Variants in SMG6 observed in about 807,000 individuals in gnomAD.
SMG6 encodes telomerase-binding protein EST1A.
A neutral mutation model predicts 142.2 loss-of-function variants in SMG6; 66 were observed. That is an observed-to-expected ratio of 0.46 (90% CI 0.38 to 0.57). The LOEUF (loss-of-function observed/expected upper bound fraction) is 0.57, where lower values mean the gene tolerates loss of function less well. Ranked by LOEUF, SMG6 falls within the 20% of genes least tolerant of loss-of-function variation. The probability of loss-of-function intolerance (pLI) is 0.00; values close to 1 mark genes in which losing one functional copy is unlikely to be tolerated. For synonymous variants in SMG6, 779 were observed against 702.4 expected (o/e 1.11, Z -1.72); for missense variants, 1,793 against 1,832.0 (o/e 0.98, Z 0.39).
intron 13 of SMG6, among the ~76,000 whole-genome samples, chr17:2,109,218 T>C (rs2151489486): frequency 6.6e-6 from 1 of 152,258 alleles, no homozygotes; most frequent in Non-Finnish European, 1.5e-5. Context: ...TAGTATATTC[T>C]CACAGGATTT....
At chr17:2,098,117 G>A (rs1485942527) in intron 13 of SMG6, among the ~76,000 whole-genome samples, 1 of 151,964 alleles carries the variant, frequency 6.6e-6, no homozygotes, top group Admixed American at 6.6e-5. Flanking sequence ...ACTTCCTCAG[G>A]AGCTGGGACT....
rs749056595 is a variant in SMG6, at chr17:2,172,764, T to C, written c.3251A>G (p.Asp1084Gly). The change falls in exon 13 of 19, where the codon GAT (aspartate) becomes GGT (glycine). Residue 1084 changes from aspartate to glycine, a missense_variant. By Grantham distance (94) the Asp-to-Gly change is moderately conservative. This residue lies in a region of SMG6 where 1,597 missense variants were observed against 1,584.6 expected (regional missense o/e 1.01). Coordinates refer to ENST00000263073, the MANE Select transcript of SMG6 (RefSeq NM_017575.5). Reference protein sequence around the residue: ...SEVPLYKDPDDDLTLLILEED... With the variant: ...SEVPLYKDPDGDLTLLILEED... ...TTCCAGGATAAGAAGGGTGAGGTCA[T>C]CATCCGGGTCCTTGTACAGTGGCAC... is the stretch of plus-strand genomic sequence containing the variant. 1 of 1,614,124 alleles carries C rather than the reference T, an allele frequency of 6.2e-7. No homozygotes were observed. Among genetic ancestry groups the C allele is most frequent in the East Asian group, 2.2e-5 (1 of 44,870 alleles).
chr17:2,237,438 A>G, intron 9 of SMG6: 2 of 839,346 alleles, frequency 2.4e-6, no homozygotes, highest in Non-Finnish European at 2.9e-6. Flanking sequence ...CTGAGGTACT[A>G]TCACACTGAC....
chr17:2,277,152 TATTTATTTATTTA>T (rs1567740148), intron 8 of SMG6, among the ~76,000 whole-genome samples: 31 of 78,056 alleles, frequency 4.0e-4, no homozygotes, highest in African/African-American at 1.5e-3. Flanking sequence ...TTTATTTATT[TATTTATTTATTTA>T]TTTTTTATTT....
rs781500052 is a variant in SMG6, at chr17:2,236,515, G to A, written c.2846C>T (p.Ala949Val). 2.5e-6 allele frequency: 4 copies of A among 1,613,106 alleles called. No homozygotes were observed. The highest frequency in any genetic ancestry group is 3.4e-6 in the Non-Finnish European group (4 of 1,179,520). ...ACCTTTCAGCTGGGAGTTGTGTACT[G>A]CAAACATATTGATGGTCATAAGCTG... ...MLQLMTINMF[A>V]VHNSQLKDCF... is the part of the protein sequence containing the mutation. Residue 949 changes from alanine to valine, a missense_variant, in exon 10 of 19, where the codon GCA becomes GTA. Physicochemically the swap from Ala to Val is moderately conservative, Grantham distance 64. Coordinates refer to ENST00000263073, the MANE Select transcript of SMG6 (RefSeq NM_017575.5).
At chr17:2,111,040 A>G (rs1326836754) in intron 13 of SMG6, among the ~76,000 whole-genome samples, 10 of 152,178 alleles carry the variant, frequency 6.6e-5, no homozygotes, top group Non-Finnish European at 1.3e-4. Context: ...ACAAAGTAAG[A>G]TATCTGAGGT....
At position 2,300,120 on chromosome 17, in the gene SMG6, A is replaced by G. The variant is rs761417641; in HGVS notation, c.633T>C (p.Ala211=). 216 of 1,613,652 alleles carry G rather than the reference A, an allele frequency of 1.3e-4. No homozygotes were observed. The highest frequency in any genetic ancestry group is 1.5e-4 in the Non-Finnish European group (181 of 1,179,950). The change falls in exon 2 of 19, where the codon GCT becomes GCC. Residue 211 remains alanine, a synonymous_variant. Transcript: ENST00000263073. ...TCCTCTTTCCTTTTTCTCCTTTTGC[A>G]GCCCCTACTCTCCCACCACCTGGGC... ...EKSPGGGRVG[A]AKGEKGKRMG...
chr17:2,180,873 T>A (rs1165839771), intron 12 of SMG6, among the ~76,000 whole-genome samples: 2 of 152,118 alleles, frequency 1.3e-5, no homozygotes, highest in Admixed American at 1.3e-4. Context: ...TATCTTAGGA[T>A]CAGAGAAATG....
intron 4 of SMG6, among the ~76,000 whole-genome samples, chr17:2,296,189 C>T (rs1021668129): frequency 2.6e-5 from 4 of 152,172 alleles, no homozygotes; most frequent in African/African-American, 9.7e-5. Flanking sequence ...AGTTTATGAC[C>T]TAGTCGCTTC....
At chr17:2,153,127 A>G (rs1368483076) in intron 13 of SMG6, among the ~76,000 whole-genome samples, 3 of 152,230 alleles carry the variant, frequency 2.0e-5, no homozygotes, top group Non-Finnish European at 2.9e-5. Context: ...AGCCCAACGC[A>G]AATTTATAAA....
At chr17:2,105,714 C>A (rs183954426) in intron 13 of SMG6, among the ~76,000 whole-genome samples, 1 of 152,280 alleles carries the variant, frequency 6.6e-6, no homozygotes, top group African/African-American at 2.4e-5. Flanking sequence ...TTTAAAATTT[C>A]TCAGGATACC....
chr17:2,201,640 C>T (rs2072526731), intron 10 of SMG6, among the ~76,000 whole-genome samples: 2 of 149,570 alleles, frequency 1.3e-5, no homozygotes, highest in Admixed American at 1.3e-4. Context: ...GACCACGCCA[C>T]TGCACTACAG....
chr17:2,130,738 C>A (rs376477164), intron 13 of SMG6, among the ~76,000 whole-genome samples: 3 of 148,732 alleles, frequency 2.0e-5, no homozygotes, highest in East Asian at 3.9e-4. Flanking sequence ...ACCTAACAAT[C>A]AAGTGGTTTA....
At chr17:2,100,950 C>G (rs934739968) in intron 13 of SMG6, among the ~76,000 whole-genome samples, 2 of 152,122 alleles carry the variant, frequency 1.3e-5, no homozygotes, top group Non-Finnish European at 2.9e-5. Context: ...CAGCACCTGG[C>G]CAGAATGTGT....
chr17:2,121,152 C>T (rs570770033), intron 13 of SMG6, among the ~76,000 whole-genome samples: 1 of 152,136 alleles, frequency 6.6e-6, no homozygotes, highest in Non-Finnish European at 1.5e-5. Context: ...CAATTCTAAT[C>T]CTAGGCATTT....
chr17:2,149,498 A>G (rs1220173725), intron 13 of SMG6, among the ~76,000 whole-genome samples: 1 of 152,124 alleles, frequency 6.6e-6, no homozygotes, highest in Non-Finnish European at 1.5e-5. Context: ...CTCTTCTGGT[A>G]GTTGACATTT....
chr17:2,078,002 C>CT (rs58839521), intron 15 of SMG6, among the ~76,000 whole-genome samples: 5,916 of 152,060 alleles, frequency 0.039, 372 homozygotes, highest in African/African-American at 0.13. Context: ...GGAATTAAGA[C>CT]TTTTTTTTAC....
chr17:2,219,064 T>C (rs1471057306), intron 10 of SMG6, among the ~76,000 whole-genome samples: 1 of 152,212 alleles, frequency 6.6e-6, no homozygotes, highest in Non-Finnish European at 1.5e-5. Context: ...AAGGCCTACA[T>C]TGTGCCAAAG....
At chr17:2,302,931 G>C in intron 1 of SMG6, 1 of 981,668 alleles carries the variant, frequency 1.0e-6, no homozygotes, top group Non-Finnish European at 1.2e-6. Context: ...CGCAAACCTA[G>C]AGAAGGCACC....
Sources: allele counts gnomAD v4.1 joint callset (sites outside exome capture counted in the v4.1 genomes callset), GRCh38; gene constraint gnomAD v4.1.1; regional missense constraint gnomAD v4.1.1; transcripts MANE v1.5; gene names NCBI Gene and HGNC (gene_info 2026-07-23, HGNC 2026-07-21).